CTNNA3: variants seen among roughly 807,000 people sequenced by gnomAD.
CTNNA3 encodes the protein catenin alpha-3.
CTNNA3 carries 76 observed loss-of-function variants against 95.7 expected under a neutral mutation model. The observed-to-expected ratio is 0.79, with a 90% CI of 0.66 to 0.96. CTNNA3 has a LOEUF of 0.96. Among genes scored for constraint, CTNNA3 ranks in the 40% least tolerant of loss-of-function variants. CTNNA3 has a pLI of 0.00. For synonymous variants in CTNNA3, 431 were observed against 374.4 expected (o/e 1.15, Z -1.74); for missense variants, 1,191 against 1,089.8 (o/e 1.09, Z -1.31).
Position 66,927,250 on chromosome 10 carries a change from A to T in CTNNA3, c.1048-151726T>A. ...TGCTTTTAATGGAATACGCAGACTC[A>T]AAGAGCTGATTCTTAGTTCCAATAG... On this transcript the variant is annotated intron_variant, in intron 7 of 17. Coordinates refer to ENST00000433211, the MANE Select transcript of CTNNA3 (RefSeq NM_013266.4). This position sits in a 1 kb window ranked among gnomAD's most constrained non-coding sequence, Gnocchi z 4.7. The T allele has an allele frequency of 6.2e-7, 1 of 1,614,160 alleles. No individual in the cohort carries two copies. Among genetic ancestry groups the T allele is most frequent in the Non-Finnish European group, 8.5e-7 (1 of 1,180,050 alleles).
chr10:66,669,646 A>G (rs1196842668), intron 9 of CTNNA3, among the ~76,000 whole-genome samples: 2 of 152,290 alleles, frequency 1.3e-5, no homozygotes, highest in South Asian at 4.1e-4. Flanking sequence ...CTTTTCTGGT[A>G]GCTGTTTTCA....
intron 7 of CTNNA3, among the ~76,000 whole-genome samples, chr10:67,040,709 A>T (rs960028470): frequency 2.6e-5 from 4 of 152,138 alleles, no homozygotes; most frequent in South Asian, 4.1e-4. Flanking sequence ...CACTAGATGC[A>T]GTAATAAAAA....
intron 11 of CTNNA3, among the ~76,000 whole-genome samples, chr10:66,441,337 C>G (rs1589254344): frequency 1.3e-5 from 2 of 152,168 alleles, no homozygotes; most frequent in East Asian, 3.9e-4. Flanking sequence ...TGGTAAGTTG[C>G]TTTCCTGAAG....
chr10:66,319,736 C>T (rs1043473914), intron 12 of CTNNA3, among the ~76,000 whole-genome samples: 2 of 152,074 alleles, frequency 1.3e-5, no homozygotes, highest in South Asian at 2.1e-4. Flanking sequence ...CTGTTACTAG[C>T]ATTCAAATGC....
At chr10:67,478,690 T>C (rs1848107658) in intron 5 of CTNNA3, among the ~76,000 whole-genome samples, 1 of 151,896 alleles carries the variant, frequency 6.6e-6, no homozygotes, top group Admixed American at 6.6e-5. Context: ...CTTAAATAAA[T>C]AGCTCACAGA....
intron 13 of CTNNA3, among the ~76,000 whole-genome samples, chr10:66,164,669 A>G (rs1436218612): frequency 6.6e-6 from 1 of 152,238 alleles, no homozygotes; most frequent in Non-Finnish European, 1.5e-5. Context: ...TTATTTAATT[A>G]TAGAACAATT....
chr10:66,545,296 T>C (rs1842002932), intron 10 of CTNNA3, among the ~76,000 whole-genome samples: 1 of 152,058 alleles, frequency 6.6e-6, no homozygotes, highest in Admixed American at 6.5e-5. Flanking sequence ...TATAATTTTA[T>C]TTCTTTCTGA....
chr10:67,287,600 A>G (rs1047128387), intron 5 of CTNNA3, among the ~76,000 whole-genome samples: 1 of 152,190 alleles, frequency 6.6e-6, no homozygotes, highest in Non-Finnish European at 1.5e-5. Flanking sequence ...TCTTGTAGCC[A>G]TTCATACCCA....
At chr10:67,506,038 A>G (rs1443491351) in intron 5 of CTNNA3, among the ~76,000 whole-genome samples, 1 of 152,254 alleles carries the variant, frequency 6.6e-6, no homozygotes, top group African/African-American at 2.4e-5. Flanking sequence ...TAAGCTAAAT[A>G]TAGTTTATCT....
chr10:67,485,548 T>C (rs1848413089), intron 5 of CTNNA3, among the ~76,000 whole-genome samples: 1 of 152,228 alleles, frequency 6.6e-6, no homozygotes, highest in Non-Finnish European at 1.5e-5. Context: ...GTGACTATGC[T>C]GACCCATTTA....
chr10:66,227,712 C>A (rs2089384116), intron 13 of CTNNA3, among the ~76,000 whole-genome samples: 1 of 151,956 alleles, frequency 6.6e-6, no homozygotes, highest in Non-Finnish European at 1.5e-5. Context: ...GTTTGTACTC[C>A]TTTTTACTTT....
intron 7 of CTNNA3, among the ~76,000 whole-genome samples, chr10:67,142,176 A>G (rs1008431917): frequency 1.3e-5 from 2 of 152,028 alleles, no homozygotes; most frequent in Non-Finnish European, 2.9e-5. Context: ...AGGTGAGAGG[A>G]AAAAAAAGAG....
At chr10:65,952,806 G>A (rs185521635) in intron 17 of CTNNA3, among the ~76,000 whole-genome samples, 53 of 152,188 alleles carry the variant, frequency 3.5e-4, no homozygotes, top group African/African-American at 1.3e-3. Context: ...GCAGTTGCTT[G>A]GCGAATTTTC....
intron 13 of CTNNA3, among the ~76,000 whole-genome samples, chr10:66,126,163 A>G (rs938208052): frequency 6.6e-6 from 1 of 152,218 alleles, no homozygotes; most frequent in Non-Finnish European, 1.5e-5. Flanking sequence ...ATAAGACTGA[A>G]GTCAAAAGGA....
intron 13 of CTNNA3, among the ~76,000 whole-genome samples, chr10:66,140,070 A>G (rs545846040): frequency 6.6e-6 from 1 of 152,302 alleles, no homozygotes; most frequent in African/African-American, 2.4e-5. Context: ...AAACTTTCAG[A>G]TATGTTGAGA....
intron 17 of CTNNA3, among the ~76,000 whole-genome samples, chr10:65,936,149 A>T (rs1227803720): frequency 6.6e-6 from 1 of 152,168 alleles, no homozygotes; most frequent in Non-Finnish European, 1.5e-5. Context: ...GGGAGTTTAC[A>T]ATTGGACTTA....
chr10:66,657,720 C>T (rs1213917178), intron 9 of CTNNA3, among the ~76,000 whole-genome samples: 1 of 152,104 alleles, frequency 6.6e-6, no homozygotes, highest in African/African-American at 2.4e-5. Context: ...ACCCATTTTT[C>T]AATAACATGC....
intron 13 of CTNNA3, among the ~76,000 whole-genome samples, chr10:66,259,408 C>T (rs2090912509): frequency 6.6e-6 from 1 of 152,010 alleles, no homozygotes; most frequent in Non-Finnish European, 1.5e-5. Context: ...CATGGGGGAA[C>T]ACAAAGGGTC....
intron 10 of CTNNA3, among the ~76,000 whole-genome samples, chr10:66,608,434 C>T (rs1358610576): frequency 6.6e-6 from 1 of 151,980 alleles, no homozygotes; most frequent in East Asian, 1.9e-4. Context: ...CTTCACACAA[C>T]TATAAAAAAA....
Sources: allele counts gnomAD v4.1 joint callset (sites outside exome capture counted in the v4.1 genomes callset), GRCh38; gene constraint gnomAD v4.1.1; non-coding constraint Gnocchi (gnomAD v3.1); transcripts MANE v1.5; gene names NCBI Gene and HGNC (gene_info 2026-07-23, HGNC 2026-07-21).